The following MECOM variants were observed in gnomAD, a reference collection of about 807,000 sequenced individuals.
MECOM encodes the protein histone-lysine N-methyltransferase MECOM.
Under a neutral mutation model 116.3 loss-of-function variants are expected in MECOM, and 13 were observed. The observed-to-expected ratio is 0.11, with a 90% CI of 0.07 to 0.18. The LOEUF is 0.18. Among genes scored for constraint, MECOM ranks in the 10% least tolerant of loss-of-function variants. MECOM has a pLI of 1.00. For synonymous variants in MECOM, 528 were observed against 535.2 expected (o/e 0.99, Z 0.19); for missense variants, 1,299 against 1,509.0 (o/e 0.86, Z 2.31).
At chr3:169,342,667 C>T (rs1724740782) in intron 2 of MECOM, among the ~76,000 whole-genome samples, 1 of 152,124 alleles carries the variant, frequency 6.6e-6, no homozygotes, top group Non-Finnish European at 1.5e-5. Context: ...ATAATTGTTG[C>T]TCTTAGATGA....
chr3:169,266,387 A>C (rs1462588467), intron 2 of MECOM, among the ~76,000 whole-genome samples: 1 of 152,222 alleles, frequency 6.6e-6, no homozygotes, highest in Non-Finnish European at 1.5e-5. Flanking sequence ...TTGCAATTTC[A>C]AGTGTTTGAA....
At chr3:169,214,439 A>C (rs564917596) in intron 2 of MECOM, among the ~76,000 whole-genome samples, 18 of 152,002 alleles carry the variant, frequency 1.2e-4, no homozygotes, top group Admixed American at 2.6e-4. Context: ...AAAAAAAAAA[A>C]AAACAAACTC....
intron 2 of MECOM, among the ~76,000 whole-genome samples, chr3:169,271,738 C>T (rs1393957423): frequency 6.6e-6 from 1 of 151,880 alleles, no homozygotes; most frequent in Non-Finnish European, 1.5e-5. Flanking sequence ...GCACATGTAC[C>T]CTAGAACTTA....
chr3:169,554,517 A>G (rs1761804917), intron 1 of MECOM, among the ~76,000 whole-genome samples: 1 of 152,242 alleles, frequency 6.6e-6, no homozygotes, highest in South Asian at 2.1e-4. Context: ...CGTAAAATAC[A>G]GGCAAAGTTA....
chr3:169,436,568 C>G (rs763108700), intron 1 of MECOM, among the ~76,000 whole-genome samples: 4 of 152,022 alleles, frequency 2.6e-5, no homozygotes, highest in East Asian at 1.9e-4. Flanking sequence ...CTTTTCTACA[C>G]GTCAGTTTCT....
At chr3:169,209,274 C>T (rs1020855160) in intron 2 of MECOM, among the ~76,000 whole-genome samples, 14 of 152,078 alleles carry the variant, frequency 9.2e-5, no homozygotes, top group African/African-American at 3.1e-4. Flanking sequence ...CTAGGCAATA[C>T]CATTCAGGAC....
intron 1 of MECOM, among the ~76,000 whole-genome samples, chr3:169,551,323 A>G (rs1217262383): frequency 6.6e-6 from 1 of 152,094 alleles, no homozygotes; most frequent in African/African-American, 2.4e-5. Flanking sequence ...CAGTGGTGAT[A>G]TCCAAAAGAG....
At chr3:169,343,339 G>C (rs1724865622) in intron 2 of MECOM, among the ~76,000 whole-genome samples, 1 of 152,092 alleles carries the variant, frequency 6.6e-6, no homozygotes, top group South Asian at 2.1e-4. Flanking sequence ...TCAGAGTTTT[G>C]CCAGGAGAAA....
intron 2 of MECOM, among the ~76,000 whole-genome samples, chr3:169,248,717 G>C (rs187705715): frequency 6.6e-6 from 1 of 152,076 alleles, no homozygotes; most frequent in Non-Finnish European, 1.5e-5. Flanking sequence ...TCTGATTAGC[G>C]TACTTCTAAG....
At chr3:169,573,055 A>C (rs1025098847) in intron 1 of MECOM, among the ~76,000 whole-genome samples, 11 of 152,086 alleles carry the variant, frequency 7.2e-5, no homozygotes, top group Non-Finnish European at 1.5e-4. Flanking sequence ...CTTTCACCCC[A>C]CAAGCTGAAA....
chr3:169,384,141 A>C (rs548435267), intron 1 of MECOM, among the ~76,000 whole-genome samples: 1 of 152,336 alleles, frequency 6.6e-6, no homozygotes, highest in African/African-American at 2.4e-5. Flanking sequence ...TTACTTTTTC[A>C]GAATTGTCCA....
At chr3:169,146,694 T>C (rs1740057129) in intron 2 of MECOM, 1 of 1,281,004 alleles carries the variant, frequency 7.8e-7, no homozygotes, top group Admixed American at 2.4e-5. Context: ...CCAGACTTTT[T>C]TTCCTTTTAA....
intron 2 of MECOM, among the ~76,000 whole-genome samples, chr3:169,282,396 T>C (rs182853071): frequency 6.6e-6 from 1 of 152,270 alleles, no homozygotes; most frequent in African/African-American, 2.4e-5. Flanking sequence ...ATATGCTGCA[T>C]AGACCTACAA....
At chr3:169,207,358 C>T (rs1028328331) in intron 2 of MECOM, among the ~76,000 whole-genome samples, 1 of 152,116 alleles carries the variant, frequency 6.6e-6, no homozygotes, top group African/African-American at 2.4e-5. Context: ...GCGGAAGTCA[C>T]ATTTACAGTA....
At chr3:169,622,138 G>A (rs1314661295) in intron 1 of MECOM, among the ~76,000 whole-genome samples, 1 of 152,152 alleles carries the variant, frequency 6.6e-6, no homozygotes, top group African/African-American at 2.4e-5. Context: ...TGCCCATGCT[G>A]GAGTGCAGTG....
At chr3:169,453,544 G>A (rs1481553233) in intron 1 of MECOM, among the ~76,000 whole-genome samples, 1 of 152,136 alleles carries the variant, frequency 6.6e-6, no homozygotes, top group African/African-American at 2.4e-5. Context: ...ATCTGATTAG[G>A]AAAAGGAGGA....
rs891487635 is a variant in MECOM, at chr3:169,477,390, G to C, written c.38-95866C>G. Reference sequence around the variant, plus strand: ...AAAATCTTGGAGTAAACACAAACAAGTGCCAAAATGAAGACCATCAATGAT... The same window carrying C: ...AAAATCTTGGAGTAAACACAAACAACTGCCAAAATGAAGACCATCAATGAT... On this transcript the variant is annotated intron_variant, in intron 1 of 16. Coordinates refer to ENST00000651503, the MANE Select transcript of MECOM (RefSeq NM_004991.4). 3.3e-5 allele frequency among the ~76,000 whole-genome samples: 5 copies of C among 151,930 alleles called. No individual in the cohort carries two copies. In the East Asian group the frequency reaches 7.8e-4, roughly 24 times the overall value.
intron 2 of MECOM, among the ~76,000 whole-genome samples, chr3:169,259,801 C>T (rs761794507): frequency 1.7e-4 from 26 of 152,328 alleles, no homozygotes; most frequent in Admixed American, 8.5e-4. Context: ...AAGCATTCAA[C>T]GAAGAATGTG....
At chr3:169,232,408 A>G (rs372228867) in intron 2 of MECOM, among the ~76,000 whole-genome samples, 13 of 146,336 alleles carry the variant, frequency 8.9e-5, no homozygotes, top group African/African-American at 3.1e-4. Context: ...TTAGGAATCA[A>G]TTTAATAGCT....
Sources: gnomAD v4.1 joint callset for allele counts (sites outside exome capture counted in the v4.1 genomes callset) on GRCh38, gnomAD v4.1.1 for gene constraint, MANE v1.5 for transcripts, NCBI Gene and HGNC (gene_info 2026-07-23, HGNC 2026-07-21) for gene names.